The following NLRP9 variants were observed in gnomAD, a reference collection of about 807,000 sequenced individuals.
NLRP9 encodes NLR family pyrin domain containing 9.
NLRP9 carries 88 observed loss-of-function variants against 83.1 expected under a neutral mutation model. That is an observed-to-expected ratio of 1.06 (90% CI 0.89 to 1.26). NLRP9 has a LOEUF of 1.26. NLRP9 is among the 50% of genes most tolerant of loss of function. NLRP9 has a pLI of 0.00. For missense variants in NLRP9, 1,308 were observed against 1,179.3 expected (o/e 1.11, Z -1.60); for synonymous variants, 521 against 447.6 (o/e 1.16, Z -2.07).
Position 55,724,130 on chromosome 19 carries a change from TAC to T in NLRP9, c.2007_2008del (p.Tyr670LeufsTer4), listed in dbSNP as rs763849082. ...AAATAATTCTGAATCATGTCCAAAG[TAC>T]ACAGAAGTAAATCTGCAAAAGATTA... On this transcript the variant is annotated frameshift_variant, in exon 4 of 9. Coordinates refer to ENST00000332836, the MANE Select transcript of NLRP9 (RefSeq NM_176820.4). LOFTEE classifies it high-confidence loss of function. 7.5e-6 allele frequency: 12 copies of T among 1,607,388 alleles called. No homozygotes were observed. The highest frequency in any genetic ancestry group is 1.0e-5 in the Non-Finnish European group (12 of 1,177,308).
Position 55,733,919 on chromosome 19 carries a change from A to ATTTTTTTTTTTTTTTTTTT in NLRP9, c.281-388_281-370dup, listed in dbSNP as rs765779528. Among the ~76,000 whole-genome samples, 20 of 117,868 alleles carry ATTTTTTTTTTTTTTTTTTT rather than the reference A, an allele frequency of 1.7e-4. 1 individual carries two copies. The highest frequency in any genetic ancestry group is 6.8e-4 in the African/African-American group (19 of 27,912). 77.3% of individuals were successfully genotyped at this position (117,868 alleles called of 152,430 possible). A position where few individuals can be genotyped will look rare whatever the true frequency, so the allele number is the denominator to read the frequency against. ...ATAAACTCAACCAGTTGTCAACCAA[A>ATTTTTTTTTTTTTTTTTTT]TTTTTTTTTTTTTTTTTTTTTGAGA... On this transcript the variant is annotated intron_variant, in intron 1 of 8. Coordinates refer to ENST00000332836, the MANE Select transcript of NLRP9 (RefSeq NM_176820.4).
In NLRP9 at chr19:55,716,743, G is replaced by C; in HGVS notation, c.2315C>G (p.Ala772Gly). The C allele has an allele frequency of 1.2e-6, 2 of 1,613,674 alleles. No homozygotes were observed. Among genetic ancestry groups the C allele is most frequent in the Non-Finnish European group, 1.7e-6 (2 of 1,179,770 alleles). Reference sequence around the variant, plus strand: ...ACCAACTTACATCAGCCTCTCCAGGGCACAGTGTGAGTGCTTCAGGGCTTC... The same window carrying C: ...ACCAACTTACATCAGCCTCTCCAGGCCACAGTGTGAGTGCTTCAGGGCTTC... ...LCEALKHSHCALERLMLMYCC... is the reference protein window; with the variant it reads ...LCEALKHSHCGLERLMLMYCC... The change falls in exon 5 of 9, where the codon GCC (alanine) becomes GGC (glycine). Residue 772 changes from alanine to glycine, a missense_variant. Transcript: ENST00000332836.
chr19:55,715,348 A>C (rs955641506), intron 5 of NLRP9, 123 bp from the exon 6 acceptor site: 1 of 823,554 alleles, frequency 1.2e-6, no homozygotes, highest in East Asian at 2.8e-5. Context: ...TCTTTGTCCC[A>C]GGCAAAACCT....
intron 2 of NLRP9, 82 bp from the exon 3 acceptor site, chr19:55,730,074 A>G (rs1360722076): frequency 1.5e-5 from 19 of 1,249,910 alleles, no homozygotes; most frequent in Non-Finnish European, 2.1e-5. Context: ...CACCATTTCC[A>G]AAGCACCTCA....
rs550995041 is a variant in NLRP9, at chr19:55,708,660, G to A, written c.*252C>T. 2.8e-5 allele frequency: 9 copies of A among 325,594 alleles called. No homozygotes were observed. The highest frequency in any genetic ancestry group is 2.0e-4 in the East Asian group (4 of 20,336). The allele number at this position is 325,594 out of a possible 1,614,324, so 20.2% of individuals were successfully genotyped here. On this transcript the variant is annotated 3_prime_UTR_variant, in exon 9 of 9. Coordinates refer to ENST00000332836, the MANE Select transcript of NLRP9 (RefSeq NM_176820.4). Reference sequence around the variant, plus strand: ...CCAGAGCGTTTAGCACTTGTTTAACGTACTTGTGCTTCTAAATATCACAAG... The same window carrying A: ...CCAGAGCGTTTAGCACTTGTTTAACATACTTGTGCTTCTAAATATCACAAG...
chr19:55,713,478 TCAGG>T (rs1388580624), intron 6 of NLRP9, among the ~76,000 whole-genome samples: 6 of 151,592 alleles, frequency 4.0e-5, no homozygotes, highest in Non-Finnish European at 5.9e-5. Context: ...TTGGTGGCTC[TCAGG>T]CAGGCAAGAT....
intron 6 of NLRP9, 61 bp from the exon 7 acceptor site, chr19:55,712,651 T>C: frequency 7.2e-7 from 1 of 1,397,958 alleles, no homozygotes; most frequent in Non-Finnish European, 1.0e-6. Context: ...ACAGCCCACC[T>C]TATTTTCATT....
chr19:55,709,881 G>T (rs1023988736), intron 8 of NLRP9: 8 of 152,106 alleles, frequency 5.3e-5, no homozygotes, highest in African/African-American at 1.9e-4. Flanking sequence ...TGGAACATAG[G>T]CCTTCCTGAA....
chr19:55,711,668 G>A lies in NLRP9; in HGVS notation c.2843+132C>T, dbSNP rs141570651. ...GTTTTTATATTTTATAGTGTCAACAGGGGCCCAAGGACAGGCCCCCACCAC... is the reference window on the plus strand; with the variant it reads ...GTTTTTATATTTTATAGTGTCAACAAGGGCCCAAGGACAGGCCCCCACCAC... On this transcript the variant is annotated intron_variant, in intron 8 of 8. Transcript: ENST00000332836. 4.3e-4 allele frequency: 398 copies of A among 928,148 alleles called. 4 individuals are homozygous for A. The African/African-American group carries it at 5.5e-3, about 13-fold the overall frequency. The allele number at this position is 928,148 out of a possible 1,614,324, so 57.5% of individuals were successfully genotyped here.
chr19:55,717,183 G>A (rs1988056515), intron 4 of NLRP9, among the ~76,000 whole-genome samples: 1 of 151,864 alleles, frequency 6.6e-6, no homozygotes, highest in East Asian at 1.9e-4. Flanking sequence ...ACAGGCGCCC[G>A]CCATCACGCC....
intron 2 of NLRP9, 124 bp from the exon 3 acceptor site, chr19:55,730,116 G>T: frequency 1.2e-6 from 1 of 821,608 alleles, no homozygotes; most frequent in Non-Finnish European, 1.9e-6. Flanking sequence ...TGAACAGGGA[G>T]AAGGTCAGCC....
intron 1 of NLRP9, chr19:55,737,195 G>T (rs538831580): frequency 6.6e-6 from 1 of 152,214 alleles, no homozygotes; most frequent in South Asian, 2.1e-4. Flanking sequence ...GTAACACATG[G>T]GAACACTGTT....
At chr19:55,710,650 C>T (rs892799389) in intron 8 of NLRP9, among the ~76,000 whole-genome samples, 2 of 152,144 alleles carry the variant, frequency 1.3e-5, no homozygotes, top group African/African-American at 4.8e-5. Flanking sequence ...TCCTCCTGCT[C>T]CCGCCACCAA....
rs764876859 is a variant in NLRP9 at position 55,710,215 on chromosome 19, CATT to C, written c.2844-1174_2844-1172del. On this transcript the variant is annotated intron_variant, in intron 8 of 8. Transcript: ENST00000332836. ...GGATGGTGGTTGAAGAGAAGGGAGA[CATT>C]ATTATTATTATTTTATAATGCAGGC... 5.3e-5 allele frequency among the ~76,000 whole-genome samples: 8 copies of C among 152,156 alleles called. No homozygotes were observed. In the South Asian group the frequency reaches 8.3e-4, roughly 16 times the overall value.
intron 8 of NLRP9, chr19:55,711,425 C>G (rs1446456557): frequency 7.7e-7 from 1 of 1,297,096 alleles, no homozygotes; most frequent in Non-Finnish European, 1.0e-6. Flanking sequence ...TAGCCCATTC[C>G]AGAAGCCCTT....
chr19:55,712,285 C>T, intron 7 of NLRP9, 135 bp downstream of exon 7: 1 of 754,116 alleles, frequency 1.3e-6, no homozygotes, highest in South Asian at 1.8e-5. Flanking sequence ...AACCCTGGGG[C>T]AGCATTTTAC....
intron 4 of NLRP9, among the ~76,000 whole-genome samples, chr19:55,722,397 C>T (rs957441954): frequency 1.3e-5 from 2 of 152,082 alleles, no homozygotes; most frequent in African/African-American, 4.8e-5. Flanking sequence ...ATGGAAACAG[C>T]TTGAATAAGG....
chr19:55,727,238 A>G (rs986244172), intron 3 of NLRP9, among the ~76,000 whole-genome samples: 3 of 151,934 alleles, frequency 2.0e-5, no homozygotes, highest in African/African-American at 7.2e-5. Context: ...GGCGGCAGAG[A>G]CTCCATCTCA....
Position 55,712,459 on chromosome 19 carries a change from G to C in NLRP9, c.2633C>G (p.Ala878Gly). ...TTTACAGTGAGGATGCTGCAAAGCTGCACATAACTGTCTGACACCAGTGTC... is the reference window on the plus strand; with the variant it reads ...TTTACAGTGAGGATGCTGCAAAGCTCCACATAACTGTCTGACACCAGTGTC... ...IGDTGVRQLC[A>G]ALQHPHCKLE... The change falls in exon 7 of 9, where the codon GCA (alanine) becomes GGA (glycine). Residue 878 changes from alanine (A) to glycine (G), a missense_variant. Ala to Gly is a moderately conservative substitution (Grantham distance 60, BLOSUM62 0). Coordinates refer to ENST00000332836, the MANE Select transcript of NLRP9 (RefSeq NM_176820.4). 6.2e-7 allele frequency: 1 copy of C among 1,612,760 alleles called. No homozygotes were observed. Among genetic ancestry groups the C allele is most frequent in the Non-Finnish European group, 8.5e-7 (1 of 1,179,792 alleles).
Sources: allele counts gnomAD v4.1 joint callset (sites outside exome capture counted in the v4.1 genomes callset), GRCh38; gene constraint gnomAD v4.1.1; transcripts MANE v1.5; gene names NCBI Gene and HGNC (gene_info 2026-07-23, HGNC 2026-07-21).